Variants in SERAC1 observed in about 807,000 individuals in gnomAD.
SERAC1 encodes the protein serine active site containing 1.
Under a neutral mutation model 85.7 loss-of-function variants are expected in SERAC1, and 36 were observed. The ratio of observed to expected loss-of-function variants is 0.42; its 90% confidence interval spans 0.32 to 0.55. SERAC1 has a LOEUF of 0.55. Among genes scored for constraint, SERAC1 ranks in the 20% least tolerant of loss-of-function variants. SERAC1 has a pLI of 0.11. For missense variants in SERAC1, 629 were observed against 796.2 expected, an observed-to-expected ratio of 0.79 and a Z score of 2.53; for synonymous variants, 242 against 265.3, an observed-to-expected ratio of 0.91 and a Z score of 0.85.
Position 158,120,085 on chromosome 6 carries a change from A to G in SERAC1, c.1166+340T>C, listed in dbSNP as rs1305111208. On this transcript the variant is annotated intron_variant, in intron 11 of 16. Transcript: ENST00000647468. The surrounding 1 kb of genome is among the most constrained non-coding windows in gnomAD (Gnocchi z 4.4). Reference sequence around the variant, plus strand: ...CCTTCCTATTCAGCTGACTTCTACAATCCAAATCAGTTATTAACTCAGATC... The same window carrying G: ...CCTTCCTATTCAGCTGACTTCTACAGTCCAAATCAGTTATTAACTCAGATC... 6.6e-6 allele frequency among the ~76,000 whole-genome samples: 1 copy of G among 152,196 alleles called. No homozygotes were observed. The highest frequency in any genetic ancestry group is 1.5e-5 in the Non-Finnish European group (1 of 68,036).
At chr6:158,138,435 CAAA>C (rs60850749) in intron 8 of SERAC1, among the ~76,000 whole-genome samples, 4 of 72,838 alleles carry the variant, frequency 5.5e-5, no homozygotes, top group African/African-American at 1.1e-4. Flanking sequence ...GACTCTGTCT[CAAA>C]AAAAAAAAAA....
At chr6:158,121,835 C>T (rs1245503015) in intron 10 of SERAC1, among the ~76,000 whole-genome samples, 1 of 152,134 alleles carries the variant, frequency 6.6e-6, no homozygotes. Context: ...TACAAGCCAT[C>T]TCTGGCTTTT....
In SERAC1 at chr6:158,120,199, G is replaced by A. The variant is rs575017859; in HGVS notation, c.1166+226C>T. ...AAATGTGAATGCCACCTAACTGAAG[G>A]GAAGCCCTTTGTAAAATAACCATGA... On this transcript the variant is annotated intron_variant, in intron 11 of 16. Coordinates refer to ENST00000647468, the MANE Select transcript of SERAC1 (RefSeq NM_032861.4). The surrounding 1 kb of genome is among the most constrained non-coding windows in gnomAD (Gnocchi z 4.4). Among the ~76,000 whole-genome samples, 1 of 152,140 alleles carries A rather than the reference G, an allele frequency of 6.6e-6. No homozygotes were observed. Among genetic ancestry groups the A allele is most frequent in the Non-Finnish European group, 1.5e-5 (1 of 68,032 alleles).
At chr6:158,151,417 G>A (rs183498639) in intron 3 of SERAC1, among the ~76,000 whole-genome samples, 39 of 141,846 alleles carry the variant, frequency 2.7e-4, no homozygotes, top group South Asian at 4.5e-4. Flanking sequence ...GCAAGACCTC[G>A]TCTCAAAAAG....
rs569005797 is a variant in SERAC1 at position 158,121,824 on chromosome 6, G to T, written c.1016-1249C>A. Among the ~76,000 whole-genome samples the T allele has an allele frequency of 3.3e-5, 5 of 152,176 alleles. No individual in the cohort carries two copies. In the East Asian group the frequency reaches 9.6e-4, roughly 29 times the overall value. On this transcript the variant is annotated intron_variant, in intron 10 of 16. Transcript: ENST00000647468. ...TAATGAAGTCACAAGAAAAAGCATG[G>T]TACAAGCCATCTCTGGCTTTTTTCA...
At position 158,155,507 on chromosome 6, in the gene SERAC1, C is replaced by A. The variant is rs555947308; in HGVS notation, c.92-156G>T. Among the ~76,000 whole-genome samples, 175 of 152,230 alleles carry A rather than the reference C, an allele frequency of 1.1e-3. No homozygotes were observed. The Middle Eastern group carries it at 0.014, about 12-fold the overall frequency. On this transcript the variant is annotated intron_variant, in intron 2 of 16. Transcript: ENST00000647468. The stretch of plus-strand genomic sequence containing the variant: ...TCAGTTGCTATTAATAAATGGTCTC[C>A]TATCCTTAGACACAAACACACAAAT...
chr6:158,116,496 C>CCAAAG, intron 13 of SERAC1: 2 of 512,758 alleles, frequency 3.9e-6, no homozygotes, highest in South Asian at 4.4e-5. Flanking sequence ...CCTCGGCCTC[C>CCAAAG]CAAAGCACTA....
Position 158,117,783 on chromosome 6 carries a change from T to C in SERAC1, c.1347A>G (p.Ile449Met). The C allele has an allele frequency of 1.2e-6, 2 of 1,614,182 alleles. No individual in the cohort carries two copies. Among genetic ancestry groups the C allele is most frequent in the South Asian group, 1.1e-5 (1 of 91,086 alleles). Residue 449 changes from isoleucine to methionine, a missense_variant, in exon 13 of 17, where the codon ATA becomes ATG. Coordinates refer to ENST00000647468, the MANE Select transcript of SERAC1 (RefSeq NM_032861.4). The surrounding 1 kb of genome is among the most constrained non-coding windows in gnomAD (Gnocchi z 4.3). ...TGAGGCTGGTGTCATACTCCACAGA[T>C]ATAATTCGGAGAGCAGGACAGTCTT... ...LAKDCPALRI[I>M]SVEYDTSLSD...
At chr6:158,150,303 A>C in intron 4 of SERAC1, 150 bp downstream of exon 4, 1 of 568,208 alleles carries the variant, frequency 1.8e-6, no homozygotes, top group Non-Finnish European at 2.9e-6. Context: ...GTCCTCAATT[A>C]ATTCTTCAGG....
Position 158,111,339 on chromosome 6 carries a change from C to T in SERAC1, c.*27G>A. ...CACCAAGTTTCTTGCACTGAATTCA[C>T]ATATGAAAACTGGAAGAGCACAACT... On this transcript the variant is annotated 3_prime_UTR_variant, in exon 17 of 17. Coordinates refer to ENST00000647468, the MANE Select transcript of SERAC1 (RefSeq NM_032861.4). The T allele has an allele frequency of 8.4e-6, 13 of 1,556,490 alleles. No individual in the cohort carries two copies. The highest frequency in any genetic ancestry group is 2.8e-5 in the African/African-American group (2 of 72,466).
intron 7 of SERAC1, among the ~76,000 whole-genome samples, chr6:158,143,564 C>G (rs1301603966): frequency 3.9e-5 from 6 of 152,058 alleles, no homozygotes; most frequent in Non-Finnish European, 8.8e-5. Context: ...CAATGTTCAT[C>G]TGACATCTTG....
intron 7 of SERAC1, among the ~76,000 whole-genome samples, chr6:158,143,510 G>A (rs554942600): frequency 4.2e-4 from 64 of 152,132 alleles, no homozygotes; most frequent in Admixed American, 1.1e-3. Context: ...ATACTTTCAT[G>A]TCTGCTACTT....
Position 158,117,867 on chromosome 6 carries a change from A to G in SERAC1, c.1309-46T>C, listed in dbSNP as rs773706735. 2.9e-6 allele frequency: 4 copies of G among 1,395,044 alleles called. 1 individual carries two copies. The highest frequency in any genetic ancestry group is 4.0e-6 in the Non-Finnish European group (4 of 987,794). The allele number at this position is 1,395,044 out of a possible 1,614,324, so 86.4% of individuals were successfully genotyped here. A position where few individuals can be genotyped will look rare whatever the true frequency, so the allele number is the denominator to read the frequency against. On this transcript the variant is annotated intron_variant, in intron 12 of 16. Transcript: ENST00000647468. This position sits in a 1 kb window ranked among gnomAD's most constrained non-coding sequence, Gnocchi z 4.3. ...GTGAGAACAAGTATGAATCTTCACC[A>G]CTGCAATTACTGCCTAGTAAATCAA...
intron 8 of SERAC1, among the ~76,000 whole-genome samples, chr6:158,135,903 C>T (rs946925606): frequency 3.3e-5 from 5 of 152,210 alleles, no homozygotes; most frequent in African/African-American, 7.2e-5. Context: ...TCTGCCTCCC[C>T]GGTTCACACC....
chr6:158,138,085 A>T (rs907889905), intron 8 of SERAC1, among the ~76,000 whole-genome samples: 8 of 152,128 alleles, frequency 5.3e-5, no homozygotes, highest in Non-Finnish European at 1.2e-4. Context: ...AGGCCAATTT[A>T]AACTATGTAA....
At chr6:158,118,044 A>G (rs977130379) in intron 12 of SERAC1, among the ~76,000 whole-genome samples, 1 of 152,238 alleles carries the variant, frequency 6.6e-6, no homozygotes, top group Non-Finnish European at 1.5e-5. Flanking sequence ...GAAGGTTTCA[A>G]GAGAATATTT....
intron 13 of SERAC1, chr6:158,116,650 G>A (rs949315083): frequency 5.7e-6 from 1 of 175,134 alleles, no homozygotes. Flanking sequence ...CATGAACATT[G>A]TTGGAGCACC....
Position 158,148,245 on chromosome 6 carries a change from T to A in SERAC1, c.355+620A>T, listed in dbSNP as rs148371365. 1.1e-4 allele frequency among the ~76,000 whole-genome samples: 17 copies of A among 152,318 alleles called. 2 individuals carry two copies. In the East Asian group the frequency reaches 3.3e-3, roughly 29 times the overall value. ...ACTGTAGATTAACCTGATTGTGAAA[T>A]CTATGATATTGGATATACTATGCTC... is the stretch of plus-strand genomic sequence containing the variant. On this transcript the variant is annotated intron_variant, in intron 5 of 16. Coordinates refer to ENST00000647468, the MANE Select transcript of SERAC1 (RefSeq NM_032861.4).
chr6:158,122,737 G>A (rs748163628), intron 10 of SERAC1, among the ~76,000 whole-genome samples: 9 of 152,128 alleles, frequency 5.9e-5, no homozygotes, highest in African/African-American at 1.2e-4. Context: ...CCAAGATAGC[G>A]CCACTGCACT....
Sources: gnomAD v4.1 joint callset for allele counts (sites outside exome capture counted in the v4.1 genomes callset) on GRCh38, gnomAD v4.1.1 for gene constraint, Gnocchi (gnomAD v3.1) non-coding constraint, MANE v1.5 for transcripts, NCBI Gene and HGNC (gene_info 2026-07-23, HGNC 2026-07-21) for gene names.